Variants in GSG1L observed in about 807,000 individuals in gnomAD.
GSG1L encodes the protein germ cell-specific gene 1-like protein.
In GSG1L, 24 loss-of-function variants were observed where a neutral mutation model predicts 42.1. That is an observed-to-expected ratio of 0.57 (90% CI 0.41 to 0.80). The LOEUF is 0.80. GSG1L is among the 30% of genes least tolerant of loss of function. GSG1L has a pLI of 0.00. For synonymous variants in GSG1L, 215 were observed against 203.5 expected, an observed-to-expected ratio of 1.06 and a Z score of -0.48; for missense variants, 445 against 472.2, an observed-to-expected ratio of 0.94 and a Z score of 0.53.
chr16:28,011,281 G>A (rs1054323506), intron 1 of GSG1L, among the ~76,000 whole-genome samples: 1 of 152,208 alleles, frequency 6.6e-6, no homozygotes, highest in Admixed American at 6.5e-5. Context: ...GCCACTGCCC[G>A]AGAGAGCCTC....
chr16:27,825,791 A>C (rs1457966071), intron 5 of GSG1L, among the ~76,000 whole-genome samples: 1 of 152,052 alleles, frequency 6.6e-6, no homozygotes, highest in Non-Finnish European at 1.5e-5. Context: ...TTCTCATGAG[A>C]TCTAATGGCT....
chr16:27,938,811 C>T (rs1186360153), intron 2 of GSG1L, among the ~76,000 whole-genome samples: 1 of 152,230 alleles, frequency 6.6e-6, no homozygotes, highest in East Asian at 1.9e-4. Context: ...TTGTTTCAGA[C>T]TCCTCTGGCA....
intron 1 of GSG1L, among the ~76,000 whole-genome samples, chr16:27,977,786 C>T (rs1191321471): frequency 6.6e-6 from 1 of 152,138 alleles, no homozygotes; most frequent in Non-Finnish European, 1.5e-5. Flanking sequence ...ACCCCACTGT[C>T]CCCACCACCA....
Position 27,820,837 on chromosome 16 carries a change from T to G in GSG1L, c.830+7952A>C, listed in dbSNP as rs139282126. On this transcript the variant is annotated intron_variant, in intron 5 of 6. Transcript: ENST00000447459. ...CACCAGCCTCCAACCCCAGACACCGTGGGAGGAGAAGAGAGATCAGAGACC... is the reference window on the plus strand; with the variant it reads ...CACCAGCCTCCAACCCCAGACACCGGGGGAGGAGAAGAGAGATCAGAGACC... Among the ~76,000 whole-genome samples, 1,149 of 152,230 alleles carry G rather than the reference T, an allele frequency of 7.5e-3. 7 individuals carry two copies. Among genetic ancestry groups the G allele is most frequent in the Non-Finnish European group, 0.012 (822 of 67,994 alleles).
chr16:27,880,501 G>T (rs2141020168), intron 3 of GSG1L, among the ~76,000 whole-genome samples: 1 of 152,282 alleles, frequency 6.6e-6, no homozygotes, highest in South Asian at 2.1e-4. Context: ...TCCCAGCTCT[G>T]CAATGACCAG....
At chr16:27,979,655 GAA>G (rs1567542753) in intron 1 of GSG1L, among the ~76,000 whole-genome samples, 1 of 63,106 alleles carries the variant, frequency 1.6e-5, no homozygotes, top group Non-Finnish European at 3.1e-5. Flanking sequence ...AAGAAAGAAA[GAA>G]AGAAAGAGAG....
chr16:27,896,218 C>T (rs764075076), intron 2 of GSG1L, among the ~76,000 whole-genome samples: 1 of 152,234 alleles, frequency 6.6e-6, no homozygotes, highest in Non-Finnish European at 1.5e-5. Flanking sequence ...GGTGGGTGCT[C>T]AGGGTGGAGA....
intron 1 of GSG1L, among the ~76,000 whole-genome samples, chr16:28,011,516 C>G (rs773045905): frequency 2.3e-4 from 35 of 152,234 alleles, no homozygotes; most frequent in Non-Finnish European, 3.4e-4. Flanking sequence ...CAGATCGAGT[C>G]AGTCGTGGCC....
chr16:27,809,117 G>A (rs560762638), intron 5 of GSG1L, among the ~76,000 whole-genome samples: 2 of 152,162 alleles, frequency 1.3e-5, no homozygotes, highest in Non-Finnish European at 2.9e-5. Flanking sequence ...TCCAGGCTAG[G>A]CATGGTGGCT....
chr16:27,922,034 T>C (rs2084530719), intron 2 of GSG1L, among the ~76,000 whole-genome samples: 1 of 150,408 alleles, frequency 6.6e-6, no homozygotes. Flanking sequence ...GAGTCCATTA[T>C]GTCCTTCAGT....
intron 2 of GSG1L, among the ~76,000 whole-genome samples, chr16:27,940,173 G>C (rs2084771612): frequency 6.6e-6 from 1 of 152,146 alleles, no homozygotes; most frequent in African/African-American, 2.4e-5. Context: ...ACACCAGTTA[G>C]AATGGCAATC....
At chr16:27,873,780 G>A (rs960505223) in intron 3 of GSG1L, among the ~76,000 whole-genome samples, 2 of 152,212 alleles carry the variant, frequency 1.3e-5, no homozygotes, top group Non-Finnish European at 2.9e-5. Context: ...CTTAGCTTTA[G>A]AAGACTGAGT....
chr16:28,040,018 C>T lies in GSG1L; in HGVS notation c.349+23058G>A, dbSNP rs1216687279. Among the ~76,000 whole-genome samples, 1 of 152,146 alleles carries T rather than the reference C, an allele frequency of 6.6e-6. No homozygotes were observed. Among genetic ancestry groups the T allele is most frequent in the East Asian group, 1.9e-4 (1 of 5,198 alleles). On this transcript the variant is annotated intron_variant, in intron 1 of 6. Transcript: ENST00000447459. The surrounding 1 kb of genome is among the most constrained non-coding windows in gnomAD (Gnocchi z 4.1). ...ACCCACCAGCTTCTGGAGCCAAAACCCTAAGGGAGACCCCTGACTCCTCTC... is the reference window on the plus strand; with the variant it reads ...ACCCACCAGCTTCTGGAGCCAAAACTCTAAGGGAGACCCCTGACTCCTCTC...
At chr16:27,850,027 T>TTTTC (rs1455347430) in intron 3 of GSG1L, among the ~76,000 whole-genome samples, 8 of 118,664 alleles carry the variant, frequency 6.7e-5, no homozygotes, top group Non-Finnish European at 1.2e-4. Flanking sequence ...AAATGCCTTT[T>TTTTC]TTTTTTTTTT....
chr16:28,051,496 G>C (rs1296442886), intron 1 of GSG1L, among the ~76,000 whole-genome samples: 2 of 150,780 alleles, frequency 1.3e-5, no homozygotes, highest in Non-Finnish European at 3.0e-5. Flanking sequence ...TGTCAGGTAG[G>C]GGGAAGTGTT....
intron 1 of GSG1L, among the ~76,000 whole-genome samples, chr16:28,055,305 C>T (rs2086267391): frequency 6.6e-6 from 1 of 151,918 alleles, no homozygotes; most frequent in Admixed American, 6.6e-5. Context: ...TACAGGCACA[C>T]ACCACCACAC....
At chr16:27,972,262 C>T (rs935801098) in intron 1 of GSG1L, among the ~76,000 whole-genome samples, 6 of 152,248 alleles carry the variant, frequency 3.9e-5, no homozygotes, top group Non-Finnish European at 8.8e-5. Context: ...GCCCACACTG[C>T]CCAGGCAGGT....
At chr16:27,996,636 C>G (rs2085517413) in intron 1 of GSG1L, among the ~76,000 whole-genome samples, 1 of 152,216 alleles carries the variant, frequency 6.6e-6, no homozygotes, top group African/African-American at 2.4e-5. Flanking sequence ...AGAACTCTGC[C>G]TGGCCCTTTT....
intron 1 of GSG1L, among the ~76,000 whole-genome samples, chr16:28,034,075 A>G (rs12444962): frequency 0.068 from 10,345 of 151,582 alleles, 430 homozygotes; most frequent in Admixed American, 0.12. Context: ...ATCCCAACCT[A>G]TTCCATCCTG....
Sources: allele counts gnomAD v4.1 joint callset (sites outside exome capture counted in the v4.1 genomes callset), GRCh38; gene constraint gnomAD v4.1.1; non-coding constraint Gnocchi (gnomAD v3.1); transcripts MANE v1.5; gene names NCBI Gene and HGNC (gene_info 2026-07-23, HGNC 2026-07-21).